PAM: variants seen among roughly 807,000 people sequenced by gnomAD.
The protein encoded by PAM is peptidyl-glycine alpha-amidating monooxygenase.
A neutral mutation model predicts 122.1 loss-of-function variants in PAM; 72 were observed. The observed-to-expected ratio is 0.59, with a 90% CI of 0.49 to 0.72. PAM has a LOEUF of 0.72. Ranked by LOEUF, PAM falls within the 30% of genes least tolerant of loss-of-function variation. The pLI, the probability that PAM is intolerant of heterozygous loss-of-function variation, is 0.00. For synonymous variants in PAM, 389 were observed against 404.4 expected, an observed-to-expected ratio of 0.96 and a Z score of 0.46; for missense variants, 1,106 against 1,183.7, an observed-to-expected ratio of 0.93 and a Z score of 0.96.
At chr5:102,835,318 C>A (rs1776707273) in intron 1 of PAM, among the ~76,000 whole-genome samples, 1 of 151,896 alleles carries the variant, frequency 6.6e-6, no homozygotes, top group African/African-American at 2.4e-5. Context: ...TAATCAATAA[C>A]CTTGTATTTG....
At chr5:102,878,934 G>GT (rs1260353256) in intron 3 of PAM, among the ~76,000 whole-genome samples, 26 of 148,028 alleles carry the variant, frequency 1.8e-4, no homozygotes, top group African/African-American at 5.9e-4. Flanking sequence ...TTTTTTTTTT[G>GT]TTTTTTGTTT....
intron 1 of PAM, 196 bp from the exon 2 acceptor site, chr5:102,865,627 A>C: frequency 6.6e-6 from 1 of 152,064 alleles, no homozygotes; most frequent in Admixed American, 6.6e-5. Flanking sequence ...CACCGGCTCT[A>C]CAGGGGCTGC....
At chr5:102,883,973 G>A (rs980901804) in intron 3 of PAM, among the ~76,000 whole-genome samples, 2 of 151,744 alleles carry the variant, frequency 1.3e-5, no homozygotes, top group African/African-American at 4.8e-5. Flanking sequence ...AGATGATCAT[G>A]TGTTAATCTT....
At chr5:102,935,974 A>G (rs1753114777) in intron 7 of PAM, among the ~76,000 whole-genome samples, 1 of 151,804 alleles carries the variant, frequency 6.6e-6, no homozygotes, top group Non-Finnish European at 1.5e-5. Context: ...GCCAATTGGT[A>G]ATTTGCAGTG....
intron 1 of PAM, among the ~76,000 whole-genome samples, chr5:102,810,010 G>A (rs1767429945): frequency 6.6e-6 from 1 of 152,244 alleles, no homozygotes; most frequent in Admixed American, 6.5e-5. Flanking sequence ...AAGAAAGTAA[G>A]TCAATATAAA....
chr5:102,794,478 T>C (rs1231145301), intron 1 of PAM, among the ~76,000 whole-genome samples: 2 of 152,146 alleles, frequency 1.3e-5, no homozygotes, highest in African/African-American at 2.4e-5. Context: ...AAAAAGAAAT[T>C]AGTATTATTG....
chr5:102,946,893 C>T lies in PAM; in HGVS notation c.575+8C>T. 1 of 1,585,264 alleles carries T rather than the reference C, an allele frequency of 6.3e-7. No individual in the cohort carries two copies. Among genetic ancestry groups the T allele is most frequent in the Non-Finnish European group, 8.7e-7 (1 of 1,154,804 alleles). On this transcript the variant is annotated splice_region_variant and intron_variant, in intron 8 of 25. Transcript: ENST00000438793. ...ACACCTCACACGTCTGCCGTAAGTA[C>T]TTCCATTTTTCCTAGAGGAGCAGCA...
intron 3 of PAM, among the ~76,000 whole-genome samples, chr5:102,898,763 A>G (rs556453635): frequency 6.6e-6 from 1 of 151,806 alleles, no homozygotes; most frequent in African/African-American, 2.4e-5. Context: ...GTGTCTAAGA[A>G]CTGACAACAT....
At chr5:102,911,348 G>A (rs544451110) in intron 4 of PAM, among the ~76,000 whole-genome samples, 56 of 152,000 alleles carry the variant, frequency 3.7e-4, no homozygotes, top group African/African-American at 1.2e-3. Flanking sequence ...CTGTTTTTGT[G>A]AAAGGAAACT....
chr5:102,836,859 C>CGAGAGAGAGAGA lies in PAM; in HGVS notation c.-373-28936_-373-28925dup, dbSNP rs57617414. On this transcript the variant is annotated intron_variant, in intron 1 of 25. Transcript: ENST00000438793. ...ATTATGGATGGACCAAGAAAGAAAC[C>CGAGAGAGAGAGA]GAGAGAGAGAGAGAGAGAGAGAGAG... Among the ~76,000 whole-genome samples, 1,028 of 120,778 alleles carry CGAGAGAGAGAGA rather than the reference C, an allele frequency of 8.5e-3. 31 individuals carry two copies. Among genetic ancestry groups the CGAGAGAGAGAGA allele is most frequent in the African/African-American group, 0.03 (836 of 28,004 alleles). The allele number at this position is 120,778 out of a possible 152,430, so 79.2% of individuals were successfully genotyped here. A position where few individuals can be genotyped will look rare whatever the true frequency, so the allele number is the denominator to read the frequency against.
At chr5:102,935,566 T>A (rs1231119554) in intron 7 of PAM, among the ~76,000 whole-genome samples, 3 of 152,120 alleles carry the variant, frequency 2.0e-5, no homozygotes, top group Non-Finnish European at 4.4e-5. Context: ...GATTTTGGGG[T>A]CATGGAGTGT....
chr5:102,948,730 A>T (rs1255559639), intron 9 of PAM, among the ~76,000 whole-genome samples: 2 of 152,268 alleles, frequency 1.3e-5, no homozygotes, highest in East Asian at 3.9e-4. Context: ...AAAATAAATC[A>T]TCCATTCTTG....
intron 1 of PAM, among the ~76,000 whole-genome samples, chr5:102,788,638 G>T (rs1761226914): frequency 6.6e-6 from 1 of 151,870 alleles, no homozygotes; most frequent in Non-Finnish European, 1.5e-5. Flanking sequence ...ATCCTTTTTT[G>T]ACACCACTGA....
chr5:103,023,645 G>A (rs1033259927), intron 23 of PAM, among the ~76,000 whole-genome samples: 2 of 151,876 alleles, frequency 1.3e-5, no homozygotes, highest in African/African-American at 2.4e-5. Flanking sequence ...TCCCTTTCAA[G>A]TTTCAAGAGT....
intron 21 of PAM, among the ~76,000 whole-genome samples, chr5:103,011,321 AACC>A (rs1345538015): frequency 6.6e-6 from 1 of 151,960 alleles, no homozygotes; most frequent in Non-Finnish European, 1.5e-5. Context: ...CATCCTGATT[AACC>A]ACCGCCACCT....
At chr5:102,791,282 C>T (rs993334410) in intron 1 of PAM, among the ~76,000 whole-genome samples, 4 of 151,916 alleles carry the variant, frequency 2.6e-5, no homozygotes, top group African/African-American at 4.8e-5. Flanking sequence ...GTGTTTGATA[C>T]GTATATGCCA....
chr5:102,946,841 T>TAA lies in PAM; in HGVS notation c.532_533dup (p.Asn178LysfsTer19), dbSNP rs762308495. 1 of 1,589,378 alleles carries TAA rather than the reference T, an allele frequency of 6.3e-7. No homozygotes were observed. The highest frequency in any genetic ancestry group is 1.3e-5 in the African/African-American group (1 of 74,416). ...TGTTTCTATGTGTGTTTTCAGATAATAACAAGGACTGTTCTGGTGTGTCCT... is the reference window on the plus strand; with the variant it reads ...TGTTTCTATGTGTGTTTTCAGATAATAAAACAAGGACTGTTCTGGTGTGTCCT... On this transcript the variant is annotated frameshift_variant, in exon 8 of 26. Coordinates refer to ENST00000438793, the MANE Select transcript of PAM (RefSeq NM_001177306.2). LOFTEE classifies it high-confidence loss of function.
At chr5:103,017,312 G>A in intron 21 of PAM, 22 bp from the exon 22 acceptor site, 1 of 1,447,300 alleles carries the variant, frequency 6.9e-7, no homozygotes, top group Non-Finnish European at 9.7e-7. Flanking sequence ...CCACTCTAAT[G>A]TGTAGCTTCT....
At chr5:103,006,252 A>G (rs113719903) in intron 18 of PAM, among the ~76,000 whole-genome samples, 12 of 151,862 alleles carry the variant, frequency 7.9e-5, no homozygotes, top group African/African-American at 1.4e-4. Context: ...TCTTATTTCT[A>G]TTTTTTTACT....
Sources: allele counts gnomAD v4.1 joint callset (sites outside exome capture counted in the v4.1 genomes callset), GRCh38; gene constraint gnomAD v4.1.1; transcripts MANE v1.5; gene names NCBI Gene and HGNC (gene_info 2026-07-23, HGNC 2026-07-21).